The following FAM81B variants were observed in gnomAD, a reference collection of about 807,000 sequenced individuals.
The protein encoded by FAM81B is protein FAM81B.
Under a neutral mutation model 58.7 loss-of-function variants are expected in FAM81B, and 60 were observed. The ratio of observed to expected loss-of-function variants is 1.02; its 90% CI spans 0.83 to 1.27. The LOEUF (loss-of-function observed/expected upper bound fraction) is 1.27, where lower values mean the gene tolerates loss of function less well. Among genes scored for constraint, FAM81B ranks in the 50% most tolerant of loss-of-function variants. The pLI, the probability that FAM81B is intolerant of heterozygous loss-of-function variation, is 0.00. For missense variants in FAM81B, 491 were observed against 522.0 expected (o/e 0.94, Z 0.58); for synonymous variants, 189 against 179.6 (o/e 1.05, Z -0.42).
At chr5:95,399,483 C>T (rs1211966711) in intron 3 of FAM81B, among the ~76,000 whole-genome samples, 2 of 151,414 alleles carry the variant, frequency 1.3e-5, no homozygotes, top group South Asian at 2.1e-4. Flanking sequence ...TTTTCATGCC[C>T]CCCCCCACCC....
intron 3 of FAM81B, among the ~76,000 whole-genome samples, chr5:95,400,261 C>G (rs1404948699): frequency 6.6e-6 from 1 of 152,130 alleles, no homozygotes; most frequent in Non-Finnish European, 1.5e-5. Context: ...CCAAGGGGAA[C>G]CTGTTCCTTG....
At position 95,437,517 on chromosome 5, in the gene FAM81B, T is replaced by G. The variant is rs565516424; in HGVS notation, c.893+611T>G. Among the ~76,000 whole-genome samples the G allele has an allele frequency of 7.9e-5, 12 of 152,286 alleles. No individual in the cohort carries two copies. The East Asian group carries it at 2.3e-3, about 29-fold the overall frequency. On this transcript the variant is annotated intron_variant, in intron 7 of 9. Transcript: ENST00000283357. The stretch of plus-strand genomic sequence containing the variant: ...GTACCACGACACCTAATTTTGTATT[T>G]TTAGTAGAGACCGGGTTTCTCCATG...
intron 6 of FAM81B, among the ~76,000 whole-genome samples, chr5:95,434,017 C>A (rs533956389): frequency 6.6e-6 from 1 of 152,166 alleles, no homozygotes. Flanking sequence ...CATCAATCCC[C>A]ATACCTTTTG....
rs369638430 is a variant in FAM81B at position 95,428,402 on chromosome 5, T to A, written c.657-201T>A. 7.9e-5 allele frequency among the ~76,000 whole-genome samples: 12 copies of A among 152,312 alleles called. 1 individual carries two copies. Among genetic ancestry groups the A allele is most frequent in the African/African-American group, 2.9e-4 (12 of 41,562 alleles). ...AAGTTGGTGCTCTGGTTTGAGCCAA[T>A]GCATTCAACCTGGTTTCTCTCTCAT... On this transcript the variant is annotated intron_variant, in intron 5 of 9. Coordinates refer to ENST00000283357, the MANE Select transcript of FAM81B (RefSeq NM_152548.3).
chr5:95,406,999 A>C (rs1190071557), intron 3 of FAM81B, among the ~76,000 whole-genome samples: 1 of 151,994 alleles, frequency 6.6e-6, no homozygotes, highest in Non-Finnish European at 1.5e-5. Context: ...TCCTCTGAAG[A>C]CCCAGCCAGA....
At chr5:95,437,039 C>G in intron 7 of FAM81B, 133 bp downstream of exon 7, 1 of 605,118 alleles carries the variant, frequency 1.7e-6, no homozygotes, top group South Asian at 2.3e-5. Context: ...TGAACTAACA[C>G]AGAGAATATT....
chr5:95,436,928 A>C (rs1745127727), intron 7 of FAM81B, 22 bp downstream of exon 7: 1 of 1,574,686 alleles, frequency 6.4e-7, no homozygotes. Context: ...GAAGATTTTT[A>C]ATTCTGTTAA....
intron 3 of FAM81B, among the ~76,000 whole-genome samples, chr5:95,399,339 G>C (rs2560262): frequency 0.42 from 63,125 of 152,040 alleles, 13,400 homozygotes; most frequent in African/African-American, 0.49. Context: ...ATGGTGAAGA[G>C]AGATATTTCA....
At chr5:95,412,233 A>G (rs770621857) in intron 3 of FAM81B, among the ~76,000 whole-genome samples, 3 of 152,024 alleles carry the variant, frequency 2.0e-5, no homozygotes, top group Non-Finnish European at 4.4e-5. Flanking sequence ...AAATTCTTCT[A>G]TGATTCGACA....
intron 7 of FAM81B, among the ~76,000 whole-genome samples, chr5:95,445,444 AC>A (rs1745520170): frequency 6.6e-6 from 1 of 151,938 alleles, no homozygotes; most frequent in Non-Finnish European, 1.5e-5. Flanking sequence ...CCAGTCCCAT[AC>A]CTCATTTAAT....
chr5:95,393,799 G>A (rs547292372), intron 2 of FAM81B, among the ~76,000 whole-genome samples: 2 of 152,152 alleles, frequency 1.3e-5, no homozygotes, highest in South Asian at 2.1e-4. Context: ...ATACAAGAAC[G>A]TATTTCATAG....
Position 95,420,414 on chromosome 5 carries a change from C to T in FAM81B, c.656+12C>T, listed in dbSNP as rs1415956893. On this transcript the variant is annotated intron_variant, in intron 5 of 9. Coordinates refer to ENST00000283357, the MANE Select transcript of FAM81B (RefSeq NM_152548.3). ...GGAAGAGTAGCCAGGTGAGAAGAAGCATGTTGACTAATGTTTAACAGTGAA... is the reference window on the plus strand; with the variant it reads ...GGAAGAGTAGCCAGGTGAGAAGAAGTATGTTGACTAATGTTTAACAGTGAA... 1.9e-6 allele frequency: 3 copies of T among 1,613,232 alleles called. No homozygotes were observed. Among genetic ancestry groups the T allele is most frequent in the Non-Finnish European group, 2.5e-6 (3 of 1,179,428 alleles).
At chr5:95,419,950 T>C (rs1278513199) in intron 4 of FAM81B, among the ~76,000 whole-genome samples, 1 of 152,238 alleles carries the variant, frequency 6.6e-6, no homozygotes, top group Admixed American at 6.5e-5. Flanking sequence ...CAATGCATGT[T>C]CTGTTTGGTC....
chr5:95,449,875 TTGCAATATAGAATTA>T (rs375362758), intron 9 of FAM81B, among the ~76,000 whole-genome samples: 4 of 152,246 alleles, frequency 2.6e-5, no homozygotes, highest in African/African-American at 9.6e-5. Context: ...AATTTCTCTC[TTGCAATATAGAATTA>T]TGCAATATAT....
chr5:95,422,804 T>C (rs1218703286), intron 5 of FAM81B, among the ~76,000 whole-genome samples: 1 of 152,208 alleles, frequency 6.6e-6, no homozygotes, highest in Non-Finnish European at 1.5e-5. Flanking sequence ...AGCAAATGGA[T>C]CTCAAAGAAA....
rs10567707 is a variant in FAM81B, at chr5:95,408,075, TGAGAGAGAGA to T, written c.294-5844_294-5835del. 1.2e-3 allele frequency among the ~76,000 whole-genome samples: 161 copies of T among 130,322 alleles called. 1 individual carries two copies. The highest frequency in any genetic ancestry group is 3.7e-3 in the Admixed American group (48 of 13,076). The allele number at this position is 130,322 out of a possible 152,430, so 85.5% of individuals were successfully genotyped here. A position where few individuals can be genotyped will look rare whatever the true frequency, so the allele number is the denominator to read the frequency against. On this transcript the variant is annotated intron_variant, in intron 3 of 9. Coordinates refer to ENST00000283357, the MANE Select transcript of FAM81B (RefSeq NM_152548.3). ...ATATGGCAGTTGGCTTCCCCCAAAATGAGAGAGAGAGAGAGAGAGAGAGAGAGAGAGAGAG... is the reference window on the plus strand; with the variant it reads ...ATATGGCAGTTGGCTTCCCCCAAAATGAGAGAGAGAGAGAGAGAGAGAGAG...
intron 5 of FAM81B, among the ~76,000 whole-genome samples, chr5:95,426,438 C>T (rs952354205): frequency 8.6e-5 from 13 of 151,972 alleles, no homozygotes; most frequent in African/African-American, 1.2e-4. Context: ...AATGAATAGG[C>T]GGCAACTCTC....
chr5:95,442,163 A>G (rs1745383146), intron 7 of FAM81B, among the ~76,000 whole-genome samples: 1 of 152,214 alleles, frequency 6.6e-6, no homozygotes, highest in Admixed American at 6.5e-5. Context: ...GTAGAAGCCA[A>G]TGAATGAATG....
rs759208210 is a variant in FAM81B, at chr5:95,392,832, G to C, written c.163G>C (p.Ala55Pro). Residue 55 changes from alanine to proline, a missense_variant, in exon 2 of 10, where the codon GCA (alanine) becomes CCA (proline). Coordinates refer to ENST00000283357, the MANE Select transcript of FAM81B (RefSeq NM_152548.3). ...VNKSASPTAT[A>P]EEQPVEPDGP... ...CAAAAGTGCCTCTCCAACTGCGACT[G>C]CAGAGGAACAGCCAGTTGAACCTGA... 3 of 1,612,344 alleles carry C rather than the reference G, an allele frequency of 1.9e-6. No individual in the cohort carries two copies. In the Admixed American group the frequency reaches 5.0e-5, roughly 27 times the overall value.
Sources: gnomAD v4.1 joint callset for allele counts (sites outside exome capture counted in the v4.1 genomes callset) on GRCh38, gnomAD v4.1.1 for gene constraint, MANE v1.5 for transcripts, NCBI Gene and HGNC (gene_info 2026-07-23, HGNC 2026-07-21) for gene names.